KCNIP4: variants seen among roughly 807,000 people sequenced by gnomAD.
KCNIP4 encodes the protein Kv channel-interacting protein 4.
A neutral mutation model predicts 34.0 loss-of-function variants in KCNIP4; 12 were observed. The ratio of observed to expected loss-of-function variants is 0.35; its 90% confidence interval spans 0.23 to 0.57. The LOEUF (loss-of-function observed/expected upper bound fraction) is 0.57, where lower values mean the gene tolerates loss of function less well. Among genes scored for constraint, KCNIP4 ranks in the 20% least tolerant of loss-of-function variants. The pLI, the probability that KCNIP4 is intolerant of heterozygous loss-of-function variation, is 0.83. For missense variants in KCNIP4, 238 were observed against 311.7 expected (o/e 0.76, Z 1.78); for synonymous variants, 124 against 102.2 (o/e 1.21, Z -1.29).
intron 1 of KCNIP4, among the ~76,000 whole-genome samples, chr4:21,646,323 G>A (rs2108961210): frequency 6.6e-6 from 1 of 152,200 alleles, no homozygotes. Flanking sequence ...TGTCTTTCTT[G>A]CTATCCTATT....
chr4:21,118,543 A>C (rs1749882146), intron 1 of KCNIP4, among the ~76,000 whole-genome samples: 1 of 152,200 alleles, frequency 6.6e-6, no homozygotes, highest in Admixed American at 6.5e-5. Flanking sequence ...AGTCTTTGCC[A>C]AAATGCAAGT....
intron 1 of KCNIP4, among the ~76,000 whole-genome samples, chr4:21,553,976 G>T (rs909370367): frequency 1.3e-5 from 2 of 152,026 alleles, no homozygotes; most frequent in Non-Finnish European, 2.9e-5. Context: ...TGGGGAAGGG[G>T]CACAATTCAA....
intron 1 of KCNIP4, among the ~76,000 whole-genome samples, chr4:21,526,490 A>G (rs962415976): frequency 5.3e-5 from 8 of 152,128 alleles, no homozygotes; most frequent in Non-Finnish European, 1.2e-4. Context: ...GCATTTAATA[A>G]TATTCTCATC....
intron 1 of KCNIP4, among the ~76,000 whole-genome samples, chr4:21,863,472 C>T (rs566376506): frequency 1.2e-4 from 18 of 150,656 alleles, no homozygotes; most frequent in African/African-American, 3.4e-4. Context: ...CTTCATTAAC[C>T]GAGTAAGGAC....
chr4:21,814,724 AG>A (rs1276855160), intron 1 of KCNIP4, among the ~76,000 whole-genome samples: 1 of 152,164 alleles, frequency 6.6e-6, no homozygotes, highest in Non-Finnish European at 1.5e-5. Flanking sequence ...TAAGGAAAGG[AG>A]GGACCTGCAA....
At chr4:21,790,916 C>T (rs2109232686) in intron 1 of KCNIP4, among the ~76,000 whole-genome samples, 1 of 131,706 alleles carries the variant, frequency 7.6e-6, no homozygotes, top group African/African-American at 2.7e-5. Flanking sequence ...ATGCTTAACT[C>T]TTGCATTCAT....
intron 1 of KCNIP4, among the ~76,000 whole-genome samples, chr4:20,952,902 C>T (rs756592191): frequency 2.2e-4 from 33 of 152,350 alleles, no homozygotes; most frequent in Non-Finnish European, 3.1e-4. Flanking sequence ...ACCTGTTGCT[C>T]ATAGATGACA....
At chr4:21,219,011 A>G (rs1015585504) in intron 1 of KCNIP4, among the ~76,000 whole-genome samples, 4 of 152,162 alleles carry the variant, frequency 2.6e-5, no homozygotes, top group African/African-American at 7.2e-5. Flanking sequence ...TAATCAATTT[A>G]TAATATTGAT....
In KCNIP4 at chr4:21,054,012, T is replaced by TTGTAAATATTGACAAAA. The variant is rs1560680476; in HGVS notation, c.62-171304_62-171303insTTTTGTCAATATTTACA. On this transcript the variant is annotated intron_variant, in intron 1 of 8. Coordinates refer to ENST00000382152, the MANE Select transcript of KCNIP4 (RefSeq NM_025221.6). ...TTTTGTAGATATTGACAAAATGATT[T>TTGTAAATATTGACAAAA]TGTAGATATTGACAAAATGTAGATA... Among the ~76,000 whole-genome samples, 4 of 148,662 alleles carry TTGTAAATATTGACAAAA rather than the reference T, an allele frequency of 2.7e-5. No homozygotes were observed. The South Asian group carries it at 8.6e-4, about 32-fold the overall frequency.
intron 1 of KCNIP4, among the ~76,000 whole-genome samples, chr4:21,141,149 A>T (rs948754712): frequency 1.3e-5 from 2 of 152,208 alleles, no homozygotes; most frequent in Non-Finnish European, 2.9e-5. Flanking sequence ...TCTAAGGAAG[A>T]GATGCACATA....
chr4:21,576,040 T>A (rs755513489), intron 1 of KCNIP4, among the ~76,000 whole-genome samples: 1 of 152,172 alleles, frequency 6.6e-6, no homozygotes, highest in Non-Finnish European at 1.5e-5. Flanking sequence ...AATAAACTAT[T>A]TGGTTAAACA....
At chr4:21,073,405 C>T (rs150151312) in intron 1 of KCNIP4, among the ~76,000 whole-genome samples, 12,404 of 152,152 alleles carry the variant, frequency 0.082, 568 homozygotes, top group Middle Eastern at 0.14. Flanking sequence ...CTCTTTGAAG[C>T]AATTGTGAAT....
intron 1 of KCNIP4, among the ~76,000 whole-genome samples, chr4:21,401,835 C>T (rs1207801791): frequency 6.6e-6 from 1 of 152,128 alleles, no homozygotes; most frequent in East Asian, 1.9e-4. Context: ...AGGTTCTAGG[C>T]AAGCATGAGG....
chr4:20,975,975 T>C (rs1242418645), intron 1 of KCNIP4, among the ~76,000 whole-genome samples: 2 of 152,216 alleles, frequency 1.3e-5, no homozygotes, highest in Admixed American at 6.5e-5. Context: ...GCTGCTTTTG[T>C]GCTACAACAG....
At chr4:21,197,688 C>G (rs377136209) in intron 1 of KCNIP4, among the ~76,000 whole-genome samples, 6 of 152,052 alleles carry the variant, frequency 3.9e-5, no homozygotes, top group Admixed American at 1.3e-4. Flanking sequence ...ATCCAAATTC[C>G]TGGTACATAT....
intron 1 of KCNIP4, among the ~76,000 whole-genome samples, chr4:21,286,567 T>C (rs996197426): frequency 8.5e-5 from 13 of 152,202 alleles, no homozygotes; most frequent in African/African-American, 2.7e-4. Context: ...ACATTTCTCC[T>C]AAATGAGAAA....
chr4:21,499,319 A>G (rs1482469990), intron 1 of KCNIP4, among the ~76,000 whole-genome samples: 2 of 147,636 alleles, frequency 1.4e-5, no homozygotes, highest in South Asian at 4.3e-4. Flanking sequence ...TGACAGAGTA[A>G]GACTCCATCT....
chr4:21,902,151 A>T (rs1275587209), intron 1 of KCNIP4, among the ~76,000 whole-genome samples: 2 of 152,088 alleles, frequency 1.3e-5, no homozygotes, highest in Non-Finnish European at 2.9e-5. Flanking sequence ...GCCAAGAGGG[A>T]AGGAATGAAC....
chr4:21,179,844 C>A (rs1467005965), intron 1 of KCNIP4, among the ~76,000 whole-genome samples: 1 of 152,090 alleles, frequency 6.6e-6, no homozygotes. Flanking sequence ...TCATTTATTT[C>A]TTTCTCTTAG....
Sources: allele counts gnomAD v4.1 joint callset (sites outside exome capture counted in the v4.1 genomes callset), GRCh38; gene constraint gnomAD v4.1.1; transcripts MANE v1.5; gene names NCBI Gene and HGNC (gene_info 2026-07-23, HGNC 2026-07-21).